The following ARHGAP22 variants were observed in gnomAD, a reference collection of about 807,000 sequenced individuals.
ARHGAP22 encodes rho GTPase-activating protein 22.
In ARHGAP22, 48 loss-of-function variants were observed where a neutral mutation model predicts 59.1. That is an observed-to-expected ratio of 0.81 (90% CI 0.64 to 1.03). The LOEUF is 1.03. Among genes scored for constraint, ARHGAP22 ranks in the 50% least tolerant of loss-of-function variants. ARHGAP22 has a pLI of 0.00. For missense variants in ARHGAP22, 1,015 were observed against 958.7 expected (o/e 1.06, Z -0.78); for synonymous variants, 445 against 416.4 (o/e 1.07, Z -0.84).
intron 4 of ARHGAP22, among the ~76,000 whole-genome samples, chr10:48,461,782 CT>C (rs1440990363): frequency 4.6e-5 from 7 of 152,208 alleles, no homozygotes; most frequent in Admixed American, 4.6e-4. Context: ...GAGACCTTCC[CT>C]GCAGGGTGGC....
At chr10:48,498,017 T>C (rs539730947) in intron 3 of ARHGAP22, among the ~76,000 whole-genome samples, 3 of 152,218 alleles carry the variant, frequency 2.0e-5, no homozygotes, top group African/African-American at 7.2e-5. Context: ...CCTCTGTCTA[T>C]CCCTTAGAGT....
rs538644895 is a variant in ARHGAP22 at position 48,643,450 on chromosome 10, G to A, written c.52+8784C>T. Among the ~76,000 whole-genome samples, 5 of 152,266 alleles carry A rather than the reference G, an allele frequency of 3.3e-5. No individual in the cohort carries two copies. In the South Asian group the frequency reaches 1.0e-3, roughly 32 times the overall value. ...AAAAAAGGATGAGTTCATGTCCTTT[G>A]TAGGGACATGGATGAAACTGGAAAC... On this transcript the variant is annotated intron_variant, in intron 1 of 9. Transcript: ENST00000435790.
At chr10:48,582,878 T>C in intron 2 of ARHGAP22, 75 bp downstream of exon 2, 2 of 1,549,390 alleles carry the variant, frequency 1.3e-6, no homozygotes, top group Admixed American at 1.7e-5. Flanking sequence ...CCTTCCTCCC[T>C]TCTCCTGGGC....
chr10:48,604,337 T>G (rs1427854019), intron 1 of ARHGAP22, among the ~76,000 whole-genome samples: 1 of 152,256 alleles, frequency 6.6e-6, no homozygotes, highest in Non-Finnish European at 1.5e-5. Flanking sequence ...GACCCTCGCT[T>G]GCACCCAGCT....
At chr10:48,519,373 A>C (rs1261990471) in intron 3 of ARHGAP22, among the ~76,000 whole-genome samples, 1 of 152,214 alleles carries the variant, frequency 6.6e-6, no homozygotes, top group East Asian at 1.9e-4. Flanking sequence ...TACTCTGTCC[A>C]CCAGCAAAGG....
chr10:48,654,353 C>G (rs995990256), upstream of ARHGAP22, among the ~76,000 whole-genome samples: 3 of 152,236 alleles, frequency 2.0e-5, no homozygotes, highest in Admixed American at 1.3e-4. Flanking sequence ...TCCAGTGTCT[C>G]TCTCAGAAGT....
chr10:48,586,161 C>A (rs952937456), intron 1 of ARHGAP22, among the ~76,000 whole-genome samples: 1 of 152,132 alleles, frequency 6.6e-6, no homozygotes, highest in East Asian at 1.9e-4. Flanking sequence ...CTTTTAGATT[C>A]TCACATTGAT....
intron 4 of ARHGAP22, chr10:48,479,338 T>A: frequency 2.0e-6 from 1 of 489,900 alleles, no homozygotes; most frequent in Non-Finnish European, 3.6e-6. Flanking sequence ...CCACAGAGAA[T>A]GGAGATGAGG....
intron 6 of ARHGAP22, among the ~76,000 whole-genome samples, 173 bp downstream of exon 6, chr10:48,454,829 C>A (rs1226684116): frequency 6.6e-6 from 1 of 151,952 alleles, no homozygotes; most frequent in East Asian, 1.9e-4. Context: ...TGCCCTGGCC[C>A]CTCCCCCACC....
intron 1 of ARHGAP22, 97 bp from the exon 2 acceptor site, chr10:48,583,249 A>G: frequency 2.8e-6 from 4 of 1,420,866 alleles, no homozygotes; most frequent in South Asian, 1.3e-5. Flanking sequence ...TGACTGAGGC[A>G]TGGGAGCCCA....
chr10:48,635,075 G>A (rs1325119165), intron 1 of ARHGAP22, among the ~76,000 whole-genome samples: 1 of 152,144 alleles, frequency 6.6e-6, no homozygotes, highest in African/African-American at 2.4e-5. Flanking sequence ...AGCCCGAGCA[G>A]ACTCATGTAC....
chr10:48,455,744 C>T (rs1288950291), intron 5 of ARHGAP22, among the ~76,000 whole-genome samples: 1 of 152,254 alleles, frequency 6.6e-6, no homozygotes, highest in African/African-American at 2.4e-5. Context: ...CTCCACTGCA[C>T]TTGACTTTGG....
chr10:48,458,289 C>T (rs2046771725), intron 5 of ARHGAP22, among the ~76,000 whole-genome samples: 1 of 152,026 alleles, frequency 6.6e-6, no homozygotes, highest in Non-Finnish European at 1.5e-5. Context: ...AAGGCTGCCC[C>T]AGGCTGCTGG....
In ARHGAP22 at chr10:48,459,787, GCTC is replaced by G; in HGVS notation, c.553_555del (p.Glu185del). 1 of 1,613,902 alleles carries G rather than the reference GCTC, an allele frequency of 6.2e-7. No homozygotes were observed. The highest frequency in any genetic ancestry group is 8.5e-7 in the Non-Finnish European group (1 of 1,180,024). On this transcript the variant is annotated inframe_deletion, in exon 5 of 10. Coordinates refer to ENST00000249601, the MANE Select transcript of ARHGAP22 (RefSeq NM_021226.4). ...AACAGCCCCTCCTCAGTGAGCCCGC[GCTC>G]CCGGATGAAGTCCACACACTGCTCC... is the stretch of plus-strand genomic sequence containing the variant.
At chr10:48,526,544 G>A (rs960410162) in intron 3 of ARHGAP22, among the ~76,000 whole-genome samples, 1 of 152,246 alleles carries the variant, frequency 6.6e-6, no homozygotes, top group Non-Finnish European at 1.5e-5. Context: ...AGATCACTTA[G>A]TCACAGCGGG....
intron 2 of ARHGAP22, among the ~76,000 whole-genome samples, chr10:48,563,644 A>T (rs989177208): frequency 1.3e-5 from 2 of 152,160 alleles, no homozygotes; most frequent in African/African-American, 2.4e-5. Context: ...ACCTTATACT[A>T]CAGTAGACTA....
chr10:48,626,588 CCA>C (rs2061457408), intron 1 of ARHGAP22, among the ~76,000 whole-genome samples: 5 of 152,350 alleles, frequency 3.3e-5, no homozygotes, highest in Admixed American at 2.0e-4. Context: ...CCCTTTCCCT[CCA>C]TGTGCATTTG....
chr10:48,637,539 AATGG>A (rs1010670921), intron 1 of ARHGAP22, among the ~76,000 whole-genome samples: 6 of 151,012 alleles, frequency 4.0e-5, no homozygotes, highest in African/African-American at 9.8e-5. Flanking sequence ...TGGATGTATA[AATGG>A]ATGGATGGAT....
chr10:48,505,749 T>G lies in ARHGAP22; in HGVS notation c.323-25985A>C, dbSNP rs537399048. Reference sequence around the variant, plus strand: ...CTCCTGGCTGGGATGGAGAGAGGGGTAGGCCAGGAGGGCTGCCTGGTGGAG... The same window carrying G: ...CTCCTGGCTGGGATGGAGAGAGGGGGAGGCCAGGAGGGCTGCCTGGTGGAG... On this transcript the variant is annotated intron_variant, in intron 3 of 9. Coordinates refer to ENST00000249601, the MANE Select transcript of ARHGAP22 (RefSeq NM_021226.4). Among the ~76,000 whole-genome samples, 87 of 152,068 alleles carry G rather than the reference T, an allele frequency of 5.7e-4. No homozygotes were observed. The South Asian group carries it at 0.017, about 29-fold the overall frequency.
Sources: gnomAD v4.1 joint callset for allele counts (sites outside exome capture counted in the v4.1 genomes callset) on GRCh38, gnomAD v4.1.1 for gene constraint, MANE v1.5 for transcripts, NCBI Gene and HGNC (gene_info 2026-07-23, HGNC 2026-07-21) for gene names.